Variants in MAMDC2 observed in about 807,000 individuals in gnomAD.
MAMDC2 encodes the protein MAM domain containing 2.
Under a neutral mutation model 89.8 loss-of-function variants are expected in MAMDC2, and 57 were observed. That is an observed-to-expected ratio of 0.63 (90% CI 0.51 to 0.79). MAMDC2 has a LOEUF of 0.79. Ranked by LOEUF, MAMDC2 falls within the 30% of genes least tolerant of loss-of-function variation. MAMDC2 has a pLI of 0.00. For synonymous variants in MAMDC2, 313 were observed against 293.4 expected (o/e 1.07, Z -0.68); for missense variants, 800 against 820.6 (o/e 0.97, Z 0.31).
Position 70,108,191 on chromosome 9 carries a change from A to G in MAMDC2, c.149-20A>G, listed in dbSNP as rs1309951360. 9.8e-6 allele frequency: 15 copies of G among 1,532,004 alleles called. No homozygotes were observed. The highest frequency in any genetic ancestry group is 1.4e-5 in the African/African-American group (1 of 71,176). The allele number at this position is 1,532,004 out of a possible 1,614,324, so 94.9% of individuals were successfully genotyped here. On this transcript the variant is annotated intron_variant, in intron 2 of 13. Coordinates refer to ENST00000377182, the MANE Select transcript of MAMDC2 (RefSeq NM_153267.5). ...GCAAACAAAAATTGATCCTTTTCCT[A>G]TGTTCCTTTCTCTTTCCAGGCCATT... is the stretch of plus-strand genomic sequence containing the variant.
At chr9:70,075,617 C>G (rs548378116) in intron 2 of MAMDC2, among the ~76,000 whole-genome samples, 2 of 152,314 alleles carry the variant, frequency 1.3e-5, no homozygotes, top group Admixed American at 1.3e-4. Context: ...AAGAAAGCAA[C>G]AGTTTACAAC....
At chr9:70,100,394 GA>G (rs150144205) in intron 2 of MAMDC2, among the ~76,000 whole-genome samples, 202 of 152,338 alleles carry the variant, frequency 1.3e-3, no homozygotes, top group African/African-American at 4.6e-3. Flanking sequence ...AGCAGGACCT[GA>G]TCCAGGGAGG....
At chr9:70,222,393 G>C (rs1367916167) in intron 12 of MAMDC2, among the ~76,000 whole-genome samples, 2 of 152,152 alleles carry the variant, frequency 1.3e-5, no homozygotes, top group Non-Finnish European at 2.9e-5. Context: ...CACAGTTAGG[G>C]AAGTAAATGT....
intron 7 of MAMDC2, among the ~76,000 whole-genome samples, chr9:70,133,147 C>A (rs1005417496): frequency 1.3e-5 from 2 of 152,010 alleles, no homozygotes; most frequent in Non-Finnish European, 2.9e-5. Context: ...TAGACAAAAT[C>A]TTTTTTCTAT....
intron 6 of MAMDC2, among the ~76,000 whole-genome samples, chr9:70,127,868 G>A (rs1484720913): frequency 6.6e-6 from 1 of 152,130 alleles, no homozygotes; most frequent in Non-Finnish European, 1.5e-5. Context: ...TCCCGTCAAA[G>A]TCAGATGAGT....
chr9:70,168,697 T>A lies in MAMDC2; in HGVS notation c.1405-5T>A. The stretch of plus-strand genomic sequence containing the variant: ...AATTCATAGCTTTATTTTTATGAAT[T>A]TCAGGTGGTTTTCATGAGCCTATGC... On this transcript the variant is annotated splice_polypyrimidine_tract_variant and splice_region_variant and intron_variant, in intron 9 of 13. Transcript: ENST00000377182. The A allele has an allele frequency of 6.2e-7, 1 of 1,611,904 alleles. No individual in the cohort carries two copies. Among genetic ancestry groups the A allele is most frequent in the South Asian group, 1.1e-5 (1 of 91,014 alleles).
At chr9:70,161,121 T>C (rs965978038) in intron 9 of MAMDC2, among the ~76,000 whole-genome samples, 5 of 152,186 alleles carry the variant, frequency 3.3e-5, no homozygotes, top group Admixed American at 6.5e-5. Flanking sequence ...TAGCTGATTC[T>C]GTGGTCCCTT....
At position 70,136,575 on chromosome 9, in the gene MAMDC2, C is replaced by G. The variant is rs193193777; in HGVS notation, c.995-3570C>G. Among the ~76,000 whole-genome samples, 8 of 152,254 alleles carry G rather than the reference C, an allele frequency of 5.3e-5. No individual in the cohort carries two copies. The East Asian group carries it at 1.5e-3, about 29-fold the overall frequency. On this transcript the variant is annotated intron_variant, in intron 7 of 13. Transcript: ENST00000377182. ...CTGAGTTAAGATTCTCTTGCAGTCG[C>G]CCAAGAGCACTGCTTTAAGATTCAT... is the stretch of plus-strand genomic sequence containing the variant.
At chr9:70,160,473 C>T (rs2031933571) in intron 9 of MAMDC2, among the ~76,000 whole-genome samples, 2 of 152,076 alleles carry the variant, frequency 1.3e-5, no homozygotes, top group South Asian at 4.1e-4. Context: ...CTTGCATCTT[C>T]AACATTAATT....
At chr9:70,090,176 A>AT (rs1827859157) in intron 2 of MAMDC2, among the ~76,000 whole-genome samples, 1 of 152,060 alleles carries the variant, frequency 6.6e-6, no homozygotes, top group African/African-American at 2.4e-5. Context: ...GCTTTTAAAC[A>AT]TACAAAAAGA....
chr9:70,218,449 C>T lies in MAMDC2; in HGVS notation c.1764C>T (p.His588=). ...AACACTGCTTGACCTTTTTCTACCA[C>T]ATGTATGGAGGGGGCACTGGCCTGC... The part of the protein sequence containing the change: ...SGKHCLTFFY[H]MYGGGTGLLS... Residue 588 remains histidine, a synonymous_variant, in exon 12 of 14, where the codon CAC becomes CAT. Coordinates refer to ENST00000377182, the MANE Select transcript of MAMDC2 (RefSeq NM_153267.5). The T allele has an allele frequency of 6.2e-7, 1 of 1,614,190 alleles. No homozygotes were observed.
intron 2 of MAMDC2, among the ~76,000 whole-genome samples, chr9:70,100,938 A>G (rs1351186668): frequency 6.6e-6 from 1 of 152,234 alleles, no homozygotes; most frequent in African/African-American, 2.4e-5. Flanking sequence ...GAGAACAGAA[A>G]TTAGCAATTA....
Position 70,126,346 on chromosome 9 carries a change from A to G in MAMDC2, c.831A>G (p.Lys277=), listed in dbSNP as rs1187167709. 1 of 1,614,150 alleles carries G rather than the reference A, an allele frequency of 6.2e-7. No homozygotes were observed. The highest frequency in any genetic ancestry group is 8.5e-7 in the Non-Finnish European group (1 of 1,180,018). The change falls in exon 6 of 14, where the codon AAA becomes AAG. Residue 277 remains lysine (K), a synonymous_variant. Coordinates refer to ENST00000377182, the MANE Select transcript of MAMDC2 (RefSeq NM_153267.5). ...DVAGLYEEIW[K]ADRPGNAAWN... ...CTGGCCTTTACGAGGAAATCTGGAA[A>G]GCAGACAGGCCAGGGAATGCTGCCT...
chr9:70,204,762 G>A (rs887512195), intron 11 of MAMDC2, among the ~76,000 whole-genome samples: 5 of 152,090 alleles, frequency 3.3e-5, no homozygotes, highest in Admixed American at 2.6e-4. Context: ...CTCGTGGTGC[G>A]CCGTTTTTTA....
intron 9 of MAMDC2, among the ~76,000 whole-genome samples, chr9:70,144,850 G>A (rs1485341356): frequency 6.6e-6 from 1 of 152,156 alleles, no homozygotes; most frequent in African/African-American, 2.4e-5. Flanking sequence ...TCATAGCTGT[G>A]TCCATCTATA....
intron 2 of MAMDC2, chr9:70,086,740 A>C (rs1827777958): frequency 6.6e-6 from 1 of 152,146 alleles, no homozygotes; most frequent in South Asian, 2.1e-4. Context: ...CATAGAGTAG[A>C]AAATATTATT....
chr9:70,212,032 G>A (rs572872995), intron 11 of MAMDC2, among the ~76,000 whole-genome samples: 1 of 152,338 alleles, frequency 6.6e-6, no homozygotes, highest in East Asian at 1.9e-4. Context: ...GTGTCAGTTG[G>A]CCCCTACTGG....
At chr9:70,044,445 G>A (rs1330694683) in intron 1 of MAMDC2, 139 bp from the exon 2 acceptor site, 3 of 806,668 alleles carry the variant, frequency 3.7e-6, no homozygotes, top group African/African-American at 1.7e-5. Flanking sequence ...GGATGCTGGG[G>A]GACAGGTACT....
intron 2 of MAMDC2, among the ~76,000 whole-genome samples, chr9:70,096,840 T>A (rs1253634657): frequency 7.2e-5 from 11 of 151,852 alleles, no homozygotes; most frequent in Admixed American, 7.2e-4. Context: ...AAGGGGGGGA[T>A]CAAGGAATCC....
Sources: allele counts gnomAD v4.1 joint callset (sites outside exome capture counted in the v4.1 genomes callset), GRCh38; gene constraint gnomAD v4.1.1; transcripts MANE v1.5; gene names NCBI Gene and HGNC (gene_info 2026-07-23, HGNC 2026-07-21).